Variants in MMP10 observed in about 807,000 individuals in gnomAD.
MMP10 encodes matrix metallopeptidase 10, also known as stromelysin-2.
MMP10 carries 50 observed loss-of-function variants against 49.1 expected under a neutral mutation model. The observed-to-expected ratio is 1.02, with a 90% CI of 0.81 to 1.29. The LOEUF (loss-of-function observed/expected upper bound fraction) is 1.29, where lower values mean the gene tolerates loss of function less well. Ranked by LOEUF, MMP10 falls within the 50% of genes most tolerant of loss-of-function variation. MMP10 has a pLI of 0.00. For missense variants in MMP10, 613 were observed against 563.8 expected (o/e 1.09, Z -0.88); for synonymous variants, 229 against 201.6 (o/e 1.14, Z -1.15).
At chr11:102,774,062 A>G (rs942830782) in intron 7 of MMP10, among the ~76,000 whole-genome samples, 4 of 152,264 alleles carry the variant, frequency 2.6e-5, no homozygotes, top group South Asian at 2.1e-4. Flanking sequence ...TGCCAGAAAT[A>G]AATATTTTTA....
rs1857731173 is a variant in MMP10, at chr11:102,776,270, C to T, written c.932+10G>A. 6.2e-7 allele frequency: 1 copy of T among 1,602,764 alleles called. No homozygotes were observed. Among genetic ancestry groups the T allele is most frequent in the Non-Finnish European group, 8.5e-7 (1 of 1,175,334 alleles). On this transcript the variant is annotated intron_variant, in intron 6 of 9. Coordinates refer to ENST00000279441, the MANE Select transcript of MMP10 (RefSeq NM_002425.3). ...AGAATAGATAGGAAAATATAATTTT[C>T]TGGTCTGACCTGTCTTTAAAGAACA...
chr11:102,779,459 CTT>C (rs757448993), intron 2 of MMP10, 43 bp downstream of exon 2: 10 of 1,610,722 alleles, frequency 6.2e-6, no homozygotes, highest in Non-Finnish European at 8.5e-6. Flanking sequence ...TGACGAGTAA[CTT>C]ATAAGGTTTC....
intron 7 of MMP10, among the ~76,000 whole-genome samples, chr11:102,773,606 G>A (rs946701331): frequency 2.6e-5 from 4 of 152,162 alleles, no homozygotes; most frequent in Non-Finnish European, 2.9e-5. Flanking sequence ...CGTCTGAACC[G>A]AATGACTTGT....
chr11:102,771,215 T>A (rs1861972505), intron 9 of MMP10, among the ~76,000 whole-genome samples: 1 of 152,220 alleles, frequency 6.6e-6, no homozygotes. Context: ...TCATACTGGT[T>A]CTAAAGAGAT....
In MMP10 at chr11:102,770,664, A is replaced by T; in HGVS notation, c.*129T>A. 1.7e-6 allele frequency: 1 copy of T among 573,258 alleles called. No homozygotes were observed. The highest frequency in any genetic ancestry group is 2.7e-5 in the South Asian group (1 of 37,546). The allele number at this position is 573,258 out of a possible 1,614,324, so 35.5% of individuals were successfully genotyped here. The stretch of plus-strand genomic sequence containing the variant: ...AACATTCTTCATGACACATGCAGAT[A>T]TCTGCAAGGCTCATCTTCTTCAGTC... On this transcript the variant is annotated 3_prime_UTR_variant, in exon 10 of 10. Coordinates refer to ENST00000279441, the MANE Select transcript of MMP10 (RefSeq NM_002425.3).
Position 102,779,665 on chromosome 11 carries a change from T to A in MMP10, c.186A>T (p.Lys62Asn). ...RRKDSNLIVKKIQGMQKFLGL... is the reference protein window; with the variant it reads ...RRKDSNLIVKNIQGMQKFLGL... The stretch of plus-strand genomic sequence containing the variant: ...CAAGGAACTTCTGCATTCCTTGGAT[T>A]TTTTTAACAATGAGATTACTGTCCT... Residue 62 changes from lysine (K) to asparagine (N), a missense_variant, in exon 2 of 10, where the codon AAA becomes AAT. Lys to Asn is a moderately conservative substitution (Grantham distance 94). Transcript: ENST00000279441. 3.7e-6 allele frequency: 6 copies of A among 1,613,998 alleles called. No individual in the cohort carries two copies. Among genetic ancestry groups the A allele is most frequent in the Non-Finnish European group, 5.1e-6 (6 of 1,180,000 alleles).
chr11:102,776,419 G>GAGGT lies in MMP10; in HGVS notation c.789_792dup (p.Pro265ThrfsTer7), dbSNP rs1375779477. On this transcript the variant is annotated frameshift_variant, in exon 6 of 10. Transcript: ENST00000279441. LOFTEE classifies it high-confidence loss of function. ...AGGGGTTCCTCAGTAGAGGCAGGGG[G>GAGGT]AGGTCCTAAAGGAAACAGATTTGGG... 16 of 1,613,202 alleles carry GAGGT rather than the reference G, an allele frequency of 9.9e-6. No individual in the cohort carries two copies. Among genetic ancestry groups the GAGGT allele is most frequent in the Non-Finnish European group, 1.3e-5 (15 of 1,179,720 alleles).
At position 102,770,826 on chromosome 11, in the gene MMP10, G is replaced by A; in HGVS notation, c.1398C>T (p.His466=). 6.2e-7 allele frequency: 1 copy of A among 1,612,356 alleles called. No homozygotes were observed. Among genetic ancestry groups the A allele is most frequent in the Non-Finnish European group, 8.5e-7 (1 of 1,178,996 alleles). ...GTAACCAGCTGTTACTCTTTAATAT[G>A]TGTGTCACCATCCTGGCATTGGGGT... is the stretch of plus-strand genomic sequence containing the variant. ...EFDPNARMVT[H]ILKSNSWLHC Residue 466 remains histidine, a synonymous_variant, in exon 10 of 10, where the codon CAC becomes CAT. Transcript: ENST00000279441.
At chr11:102,777,326 T>C (rs17860967) in intron 4 of MMP10, among the ~76,000 whole-genome samples, 15,989 of 152,056 alleles carry the variant, frequency 0.11, 1,090 homozygotes, top group Middle Eastern at 0.23. Flanking sequence ...CAGAGTCTCA[T>C]TCTGTCGCCC....
chr11:102,776,256 G>A (rs917272002), intron 6 of MMP10, 24 bp downstream of exon 6: 1 of 1,596,094 alleles, frequency 6.3e-7, no homozygotes, highest in African/African-American at 1.4e-5. Context: ...GAATAGATAG[G>A]AAAATATAAT....
Position 102,778,758 on chromosome 11 carries a change from G to A in MMP10, c.497-9C>T, listed in dbSNP as rs756900538. On this transcript the variant is annotated splice_polypyrimidine_tract_variant and intron_variant, in intron 3 of 9. Transcript: ENST00000279441. ...GTAAAAGTCTCCATGTTCTGATAGG[G>A]AACAAATTAATGGAAATATAAGTGT... is the stretch of plus-strand genomic sequence containing the variant. The A allele has an allele frequency of 6.2e-7, 1 of 1,613,216 alleles. No individual in the cohort carries two copies. The highest frequency in any genetic ancestry group is 1.7e-5 in the Admixed American group (1 of 59,698).
chr11:102,772,331 T>A lies in MMP10; in HGVS notation c.1227-216A>T, dbSNP rs922367386. The stretch of plus-strand genomic sequence containing the variant: ...CAATATTTTCCAGAAACAGGAACAT[T>A]ATGCCATTTTACAGAGGTTCCATAC... On this transcript the variant is annotated intron_variant, in intron 8 of 9. Coordinates refer to ENST00000279441, the MANE Select transcript of MMP10 (RefSeq NM_002425.3). The surrounding 1 kb of genome is among the most constrained non-coding windows in gnomAD (Gnocchi z 4.4). Among the ~76,000 whole-genome samples, 1 of 152,192 alleles carries A rather than the reference T, an allele frequency of 6.6e-6. No homozygotes were observed. Among genetic ancestry groups the A allele is most frequent in the African/African-American group, 2.4e-5 (1 of 41,436 alleles).
rs1004606148 is a variant in MMP10, at chr11:102,776,398, G to A, written c.814C>T (p.Pro272Ser). 3 of 1,613,794 alleles carry A rather than the reference G, an allele frequency of 1.9e-6. No individual in the cohort carries two copies. Among genetic ancestry groups the A allele is most frequent in the Non-Finnish European group, 2.5e-6 (3 of 1,179,916 alleles). Residue 272 changes from proline to serine, a missense_variant, in exon 6 of 10, where the codon CCC (proline) becomes TCC (serine). Transcript: ENST00000279441. ...YGPPPASTEE[P>S]LVPTKSVPSG... ...GGAACAGATTTTGTGGGCACCAGGG[G>A]TTCCTCAGTAGAGGCAGGGGGAGGT...
chr11:102,778,573 G>T, intron 4 of MMP10, 51 bp downstream of exon 4: 2 of 1,590,352 alleles, frequency 1.3e-6, no homozygotes. Context: ...ATTATTTTTG[G>T]GTAGGATTGG....
chr11:102,771,611 G>T (rs1045292463), intron 9 of MMP10, among the ~76,000 whole-genome samples: 3 of 152,294 alleles, frequency 2.0e-5, no homozygotes, highest in African/African-American at 7.2e-5. Context: ...CCCAGACAAG[G>T]CTCCCCTGGG....
chr11:102,776,855 A>G (rs1857748732), intron 4 of MMP10, 79 bp from the exon 5 acceptor site: 5 of 1,532,292 alleles, frequency 3.3e-6, no homozygotes, highest in Non-Finnish European at 4.5e-6. Flanking sequence ...TGCCAGCTGT[A>G]CAGGCCATCC....
Position 102,778,671 on chromosome 11 carries a change from C to T in MMP10, c.575G>A (p.Gly192Glu), listed in dbSNP as rs1217547809. 2 of 1,613,978 alleles carry T rather than the reference C, an allele frequency of 1.2e-6. No homozygotes were observed. The highest frequency in any genetic ancestry group is 1.7e-6 in the Non-Finnish European group (2 of 1,179,950). The change falls in exon 4 of 10, where the codon GGA becomes GAA. Residue 192 changes from glycine to glutamate, a missense_variant. Transcript: ENST00000279441. ...HAYPPGPGLY[G>E]DIHFDDDEKW... Reference sequence around the variant, plus strand: ...TTCATCATCATCAAAGTGAATATCTCCATAAAGCCCAGGTCCAGGTGGGTA... The same window carrying T: ...TTCATCATCATCAAAGTGAATATCTTCATAAAGCCCAGGTCCAGGTGGGTA...
At chr11:102,771,758 A>G (rs900977132) in intron 9 of MMP10, among the ~76,000 whole-genome samples, 1 of 152,116 alleles carries the variant, frequency 6.6e-6, no homozygotes, top group South Asian at 2.1e-4. Flanking sequence ...GTGAGGAAGT[A>G]TCCTTTGATT....
Position 102,776,629 on chromosome 11 carries a change from C to T in MMP10, c.770G>A (p.Gly257Asp), listed in dbSNP as rs781624849. 2 of 1,613,024 alleles carry T rather than the reference C, an allele frequency of 1.2e-6. No individual in the cohort carries two copies. Among genetic ancestry groups the T allele is most frequent in the African/African-American group, 1.3e-5 (1 of 74,814 alleles). The part of the protein sequence containing the change: ...QFRLSQDDVN[G>D]IQSLYGPPPA... ...TCACTCACCGTAGAGAGACTGAATG[C>T]CATTCACATCATCTTGCGAAAGGCG... The change falls in exon 5 of 10, where the codon GGC becomes GAC. Residue 257 changes from glycine (G) to aspartate (D), a missense_variant. Physicochemically the swap from Gly to Asp is moderately conservative, Grantham distance 94. Coordinates refer to ENST00000279441, the MANE Select transcript of MMP10 (RefSeq NM_002425.3).
Sources: gnomAD v4.1 joint callset for allele counts (sites outside exome capture counted in the v4.1 genomes callset) on GRCh38, gnomAD v4.1.1 for gene constraint, Gnocchi (gnomAD v3.1) non-coding constraint, MANE v1.5 for transcripts, NCBI Gene and HGNC (gene_info 2026-07-23, HGNC 2026-07-21) for gene names.